The following KCND2 variants were observed in gnomAD, a reference collection of about 807,000 sequenced individuals.
KCND2 encodes the protein potassium voltage-gated channel subfamily D member 2.
A neutral mutation model predicts 54.4 loss-of-function variants in KCND2; 16 were observed. The observed-to-expected ratio is 0.29, with a 90% CI of 0.20 to 0.45. The LOEUF is 0.45. Among genes scored for constraint, KCND2 ranks in the 20% least tolerant of loss-of-function variants. KCND2 has a pLI of 1.00. For missense variants in KCND2, 486 were observed against 824.2 expected (o/e 0.59, Z 5.02); for synonymous variants, 317 against 310.7 (o/e 1.02, Z -0.21).
intron 1 of KCND2, among the ~76,000 whole-genome samples, chr7:120,546,978 G>A (rs912132204): frequency 2.0e-5 from 3 of 151,270 alleles, no homozygotes; most frequent in African/African-American, 4.9e-5. Flanking sequence ...GTCTCACTAT[G>A]CCCATGAGAT....
chr7:120,601,466 G>A (rs1051947947), intron 1 of KCND2, among the ~76,000 whole-genome samples: 1 of 149,468 alleles, frequency 6.7e-6, no homozygotes, highest in East Asian at 1.9e-4. Context: ...GCATAAGTAA[G>A]GCGTTTTTTT....
Position 120,408,331 on chromosome 7 carries a change from G to A in KCND2, c.1115+132584G>A, listed in dbSNP as rs550749792. 1.3e-3 allele frequency among the ~76,000 whole-genome samples: 198 copies of A among 151,934 alleles called. 1 individual carries two copies. Among genetic ancestry groups the A allele is most frequent in the Non-Finnish European group, 2.2e-3 (152 of 67,874 alleles). ...TCCTTTCAAGTTTGAGGTCCTAATG[G>A]TACATACAGGGGGATCTACCTAAGA... On this transcript the variant is annotated intron_variant, in intron 1 of 5. Transcript: ENST00000331113.
At chr7:120,681,553 T>G (rs1362129502) in intron 1 of KCND2, among the ~76,000 whole-genome samples, 2 of 151,992 alleles carry the variant, frequency 1.3e-5, no homozygotes, top group African/African-American at 4.8e-5. Flanking sequence ...TCTCTCCATA[T>G]ATATATATAT....
intron 1 of KCND2, among the ~76,000 whole-genome samples, chr7:120,642,897 A>C (rs1322243021): frequency 6.6e-6 from 1 of 152,180 alleles, no homozygotes; most frequent in Non-Finnish European, 1.5e-5. Context: ...TGTGATACCA[A>C]AATTGCATGC....
intron 1 of KCND2, among the ~76,000 whole-genome samples, chr7:120,510,235 C>G (rs753243656): frequency 2.0e-5 from 3 of 152,084 alleles, no homozygotes; most frequent in Non-Finnish European, 4.4e-5. Flanking sequence ...GTTCTAAGCA[C>G]TCTGCATACA....
At chr7:120,648,689 T>C (rs531733528) in intron 1 of KCND2, among the ~76,000 whole-genome samples, 1 of 152,218 alleles carries the variant, frequency 6.6e-6, no homozygotes, top group African/African-American at 2.4e-5. Flanking sequence ...AGATTTGGTA[T>C]TTTCCTTAAG....
At chr7:120,321,130 G>T (rs1799888470) in intron 1 of KCND2, among the ~76,000 whole-genome samples, 2 of 152,026 alleles carry the variant, frequency 1.3e-5, no homozygotes, top group South Asian at 4.2e-4. Flanking sequence ...TGCTATGTAG[G>T]CATTGTATAT....
chr7:120,295,417 C>T (rs192526767), intron 1 of KCND2, among the ~76,000 whole-genome samples: 160 of 150,766 alleles, frequency 1.1e-3, no homozygotes, highest in Admixed American at 2.4e-3. Flanking sequence ...CACAAACACA[C>T]CCACACACAT....
At chr7:120,312,574 A>G (rs754605502) in intron 1 of KCND2, among the ~76,000 whole-genome samples, 1 of 152,160 alleles carries the variant, frequency 6.6e-6, no homozygotes, top group African/African-American at 2.4e-5. Flanking sequence ...GATCTTTCTA[A>G]ATTGACATTC....
Position 120,473,163 on chromosome 7 carries a change from G to A in KCND2, c.1115+197416G>A, listed in dbSNP as rs563604621. Among the ~76,000 whole-genome samples the A allele has an allele frequency of 1.1e-4, 17 of 152,282 alleles. No individual in the cohort carries two copies. The South Asian group carries it at 1.2e-3, about 11-fold the overall frequency. ...CAGAGGGAGAAAACCATGGTTCTGC[G>A]GGGCATGTGAGAGACGAGGGTGGAG... On this transcript the variant is annotated intron_variant, in intron 1 of 5. Transcript: ENST00000331113.
chr7:120,699,907 G>C (rs576420383), intron 1 of KCND2, among the ~76,000 whole-genome samples: 86 of 152,226 alleles, frequency 5.6e-4, no homozygotes, highest in Non-Finnish European at 7.5e-4. Flanking sequence ...ACATGTTTAT[G>C]TAAAAGATAT....
chr7:120,541,248 G>A (rs1791976386), intron 1 of KCND2, among the ~76,000 whole-genome samples: 1 of 152,112 alleles, frequency 6.6e-6, no homozygotes, highest in East Asian at 1.9e-4. Context: ...ATGGAAGAGA[G>A]AGAACTCTAG....
intron 1 of KCND2, among the ~76,000 whole-genome samples, chr7:120,518,715 T>G (rs1803235354): frequency 7.0e-6 from 1 of 142,862 alleles, no homozygotes; most frequent in African/African-American, 3.0e-5. Context: ...GAAACAATAG[T>G]TTGTTTCAAC....
intron 1 of KCND2, among the ~76,000 whole-genome samples, chr7:120,632,753 G>A (rs1293419450): frequency 6.6e-6 from 1 of 152,176 alleles, no homozygotes; most frequent in African/African-American, 2.4e-5. Context: ...GCATGGGGAG[G>A]TTAGGTACTT....
intron 1 of KCND2, among the ~76,000 whole-genome samples, chr7:120,545,289 AAGC>A (rs919280769): frequency 6.6e-6 from 1 of 151,916 alleles, no homozygotes; most frequent in Admixed American, 6.6e-5. Flanking sequence ...AGATCAAACA[AAGC>A]AGATAGCTGT....
At chr7:120,563,256 G>C (rs1792257327) in intron 1 of KCND2, among the ~76,000 whole-genome samples, 1 of 151,538 alleles carries the variant, frequency 6.6e-6, no homozygotes, top group Admixed American at 6.6e-5. Flanking sequence ...GAATAGTTTA[G>C]AAAAAAAATA....
chr7:120,387,807 T>C (rs1453444233), intron 1 of KCND2, among the ~76,000 whole-genome samples: 3 of 151,998 alleles, frequency 2.0e-5, no homozygotes, highest in Non-Finnish European at 2.9e-5. Context: ...TGTCCCTTCT[T>C]AGTAGGATGC....
intron 1 of KCND2, among the ~76,000 whole-genome samples, chr7:120,479,155 C>T (rs970843357): frequency 6.6e-6 from 1 of 152,036 alleles, no homozygotes; most frequent in African/African-American, 2.4e-5. Flanking sequence ...ATGCTTATAG[C>T]CTCATCAGCT....
At chr7:120,481,086 T>C (rs373824910) in intron 1 of KCND2, among the ~76,000 whole-genome samples, 3 of 152,198 alleles carry the variant, frequency 2.0e-5, no homozygotes, top group African/African-American at 7.2e-5. Flanking sequence ...GCCATACCAA[T>C]GCTGGTAAAG....
Sources: gnomAD v4.1 joint callset for allele counts (sites outside exome capture counted in the v4.1 genomes callset) on GRCh38, gnomAD v4.1.1 for gene constraint, MANE v1.5 for transcripts, NCBI Gene and HGNC (gene_info 2026-07-23, HGNC 2026-07-21) for gene names.